Variants in NEK10 observed in about 807,000 individuals in gnomAD.
NEK10 encodes NIMA related kinase 10.
Under a neutral mutation model 159.8 loss-of-function variants are expected in NEK10, and 122 were observed. That is an observed-to-expected ratio of 0.76 (90% confidence interval 0.66 to 0.89). The LOEUF is 0.89. NEK10 is among the 40% of genes least tolerant of loss of function. NEK10 has a pLI of 0.00. For synonymous variants in NEK10, 466 were observed against 457.1 expected, an observed-to-expected ratio of 1.02 and a Z score of -0.25; for missense variants, 1,342 against 1,323.1, an observed-to-expected ratio of 1.01 and a Z score of -0.22.
chr3:27,252,305 C>A (rs1955752169), intron 23 of NEK10: 3 of 453,406 alleles, frequency 6.6e-6, no homozygotes, highest in Admixed American at 2.4e-5. Flanking sequence ...ACATAAGTGG[C>A]ATTTAAGCAA....
chr3:27,325,325 A>G (rs2149678681), intron 5 of NEK10, among the ~76,000 whole-genome samples: 1 of 152,318 alleles, frequency 6.6e-6, no homozygotes, highest in East Asian at 1.9e-4. Flanking sequence ...TAGAATCTAT[A>G]TAATTTCTCC....
chr3:27,155,533 A>AAAAT (rs1263723827), intron 30 of NEK10, among the ~76,000 whole-genome samples: 1 of 148,844 alleles, frequency 6.7e-6, no homozygotes, highest in African/African-American at 2.5e-5. Context: ...AAAATAAAAT[A>AAAAT]AAATAAAATA....
rs772428275 is a variant in NEK10 at position 27,162,771 on chromosome 3, C to A, written c.2832-33G>T. The stretch of plus-strand genomic sequence containing the variant: ...TAGAATTACAGGCCATTAGAATGAC[C>A]TGTTCAACTTGGATTTGACAAACTA... On this transcript the variant is annotated intron_variant, in intron 29 of 35. Transcript: ENST00000691995. The A allele has an allele frequency of 2.5e-6, 4 of 1,613,746 alleles. No individual in the cohort carries two copies. In the African/African-American group the frequency reaches 4.0e-5, roughly 16 times the overall value.
intron 20 of NEK10, among the ~76,000 whole-genome samples, chr3:27,286,124 T>C (rs1252470693): frequency 2.1e-5 from 3 of 144,738 alleles, no homozygotes; most frequent in Non-Finnish European, 4.5e-5. Context: ...CTCACTCTGT[T>C]GCCCAGGCTG....
intron 7 of NEK10, 25 bp from the exon 8 acceptor site, chr3:27,312,202 G>A (rs780771302): frequency 1.8e-5 from 27 of 1,501,752 alleles, no homozygotes; most frequent in Middle Eastern, 3.4e-4. Context: ...AAACCAACAA[G>A]CCAGTCAGGA....
In NEK10 at chr3:27,226,417, T is replaced by C. The variant is rs752982063; in HGVS notation, c.2091-23860A>G. Among the ~76,000 whole-genome samples the C allele has an allele frequency of 3.3e-5, 5 of 152,252 alleles. No homozygotes were observed. The South Asian group carries it at 6.2e-4, about 19-fold the overall frequency. ...GAGGAAGGTGGGAATAATCTACTTA[T>C]TGAGGGAATTCTGGCAAAGTATATT... On this transcript the variant is annotated intron_variant, in intron 23 of 35. Transcript: ENST00000691995.
chr3:27,315,622 C>G (rs1170010824), intron 6 of NEK10, among the ~76,000 whole-genome samples: 1 of 151,640 alleles, frequency 6.6e-6, no homozygotes, highest in East Asian at 1.9e-4. Context: ...ATTTATTCAA[C>G]AAACATTTTT....
At chr3:27,276,977 C>T (rs1417168300) in intron 22 of NEK10, among the ~76,000 whole-genome samples, 1 of 152,184 alleles carries the variant, frequency 6.6e-6, no homozygotes, top group Non-Finnish European at 1.5e-5. Flanking sequence ...GAGGAGTAGT[C>T]ACATGACTTG....
chr3:27,183,766 C>T (rs558815548), intron 26 of NEK10, among the ~76,000 whole-genome samples: 157 of 152,044 alleles, frequency 1.0e-3, no homozygotes, highest in African/African-American at 3.5e-3. Flanking sequence ...AAATCACAGG[C>T]GAAAGATTTG....
chr3:27,180,814 C>T (rs992387177), intron 26 of NEK10, among the ~76,000 whole-genome samples: 11 of 152,122 alleles, frequency 7.2e-5, no homozygotes, highest in Non-Finnish European at 1.3e-4. Context: ...TAACCAATTT[C>T]CCTGATTTCA....
intron 31 of NEK10, among the ~76,000 whole-genome samples, chr3:27,140,768 C>T (rs1182959812): frequency 6.6e-6 from 1 of 152,142 alleles, no homozygotes; most frequent in African/African-American, 2.4e-5. Context: ...CCTAGAATAG[C>T]ATCTGGCACA....
At chr3:27,181,766 G>A (rs1948128610) in intron 26 of NEK10, among the ~76,000 whole-genome samples, 1 of 152,120 alleles carries the variant, frequency 6.6e-6, no homozygotes, top group Non-Finnish European at 1.5e-5. Flanking sequence ...GTCTGTGGCT[G>A]TTTGGTTCAC....
intron 22 of NEK10, among the ~76,000 whole-genome samples, chr3:27,264,966 T>C (rs2040766280): frequency 1.3e-5 from 2 of 152,008 alleles, no homozygotes; most frequent in South Asian, 4.1e-4. Context: ...TCAGTGTAGT[T>C]CACCAGATCA....
intron 29 of NEK10, among the ~76,000 whole-genome samples, chr3:27,164,666 G>T (rs553347082): frequency 6.6e-6 from 1 of 152,244 alleles, no homozygotes; most frequent in South Asian, 2.1e-4. Flanking sequence ...TTAACAATGT[G>T]GTCCAGGCCC....
chr3:27,200,622 G>C (rs1400217041), intron 25 of NEK10, among the ~76,000 whole-genome samples: 1 of 152,210 alleles, frequency 6.6e-6, no homozygotes, highest in African/African-American at 2.4e-5. Context: ...CTGCTCTTGA[G>C]TTTCCATTTT....
intron 1 of NEK10, among the ~76,000 whole-genome samples, chr3:27,360,528 T>G (rs1248776138): frequency 1.1e-4 from 16 of 151,886 alleles, no homozygotes; most frequent in Admixed American, 1.0e-3. Flanking sequence ...TCTTTAGGAG[T>G]GAAGGAGAAC....
chr3:27,268,174 T>C (rs558064360), intron 22 of NEK10, among the ~76,000 whole-genome samples: 1 of 152,252 alleles, frequency 6.6e-6, no homozygotes, highest in Admixed American at 6.5e-5. Flanking sequence ...GTTCACGAGG[T>C]TTAAGGAAGA....
intron 29 of NEK10, among the ~76,000 whole-genome samples, chr3:27,163,485 G>A (rs1946208035): frequency 6.6e-6 from 1 of 151,990 alleles, no homozygotes; most frequent in African/African-American, 2.4e-5. Flanking sequence ...CCGAGTAGCT[G>A]GGACTACAGG....
Position 27,346,226 on chromosome 3 carries a change from T to C in NEK10, c.133-10A>G, listed in dbSNP as rs1412337557. The C allele has an allele frequency of 5.0e-6, 8 of 1,613,332 alleles. No individual in the cohort carries two copies. Among genetic ancestry groups the C allele is most frequent in the African/African-American group, 2.7e-5 (2 of 74,876 alleles). ...AGTTAATGGCTGGAAGCTACAGAAA[T>C]AGAAGCATAGAGTACATGAGGATCA... On this transcript the variant is annotated splice_polypyrimidine_tract_variant and intron_variant, in intron 3 of 35. Transcript: ENST00000691995.
Sources: allele counts gnomAD v4.1 joint callset (sites outside exome capture counted in the v4.1 genomes callset), GRCh38; gene constraint gnomAD v4.1.1; transcripts MANE v1.5; gene names NCBI Gene and HGNC (gene_info 2026-07-23, HGNC 2026-07-21).